The following ERCC4 variants were observed in gnomAD, a reference collection of about 807,000 sequenced individuals.
The protein encoded by ERCC4 is DNA repair endonuclease XPF.
In ERCC4, 65 loss-of-function variants were observed where a neutral mutation model predicts 76.9. The ratio of observed to expected loss-of-function variants is 0.84; its 90% CI spans 0.69 to 1.04. The LOEUF (loss-of-function observed/expected upper bound fraction) is 1.04. ERCC4 is among the 50% of genes least tolerant of loss of function. The pLI, the probability that ERCC4 is intolerant of heterozygous loss-of-function variation, is 0.00. For synonymous variants in ERCC4, 463 were observed against 410.1 expected (o/e 1.13, Z -1.56); for missense variants, 1,214 against 1,128.2 (o/e 1.08, Z -1.09).
intron 2 of ERCC4, 79 bp from the exon 3 acceptor site, chr16:13,926,482 A>C: frequency 3.4e-6 from 4 of 1,192,186 alleles, no homozygotes; most frequent in Non-Finnish European, 5.0e-6. Context: ...ATTCTCTTGT[A>C]AGTACTTAAG....
chr16:13,925,158 C>T (rs2032049040), intron 2 of ERCC4, among the ~76,000 whole-genome samples: 1 of 152,178 alleles, frequency 6.6e-6, no homozygotes, highest in Non-Finnish European at 1.5e-5. Flanking sequence ...AAATGAAAAT[C>T]TATAGAAACA....
At chr16:13,944,519 A>G (rs1193138298) in intron 9 of ERCC4, among the ~76,000 whole-genome samples, 1 of 152,136 alleles carries the variant, frequency 6.6e-6, no homozygotes, top group Non-Finnish European at 1.5e-5. Flanking sequence ...TATCCGACCA[A>G]GGCACTTTTT....
intron 4 of ERCC4, 125 bp from the exon 5 acceptor site, chr16:13,930,585 C>G (rs1429103877): frequency 2.8e-6 from 2 of 709,266 alleles, no homozygotes; most frequent in Middle Eastern, 3.9e-4. Context: ...ATATATATGA[C>G]ATAAAATTTA....
At position 13,935,727 on chromosome 16, in the gene ERCC4, C is replaced by G. The variant is rs2141608243; in HGVS notation, c.1795C>G (p.Pro599Ala). 1 of 1,612,972 alleles carries G rather than the reference C, an allele frequency of 6.2e-7. No homozygotes were observed. The highest frequency in any genetic ancestry group is 8.5e-7 in the Non-Finnish European group (1 of 1,178,938). ...RQLEIYRASR[P>A]GKPLRVYFLI... The stretch of plus-strand genomic sequence containing the variant: ...GCTTGAAATTTACAGGGCGAGTAGG[C>G]CTGGGAAACCTCTGAGGCAAGTTAT... The change falls in exon 8 of 11, where the codon CCT (proline) becomes GCT (alanine). Residue 599 changes from proline (P) to alanine (A), a missense_variant. Pro to Ala is a conservative substitution (Grantham distance 27). Transcript: ENST00000311895.
rs2141937456 is a variant in ERCC4, at chr16:13,920,357, G to A, written c.192G>A (p.Thr64=). Residue 64 remains threonine (T), a synonymous_variant, in exon 1 of 11, where the codon ACG becomes ACA. Coordinates refer to ENST00000311895, the MANE Select transcript of ERCC4 (RefSeq NM_005236.3). ...HPACLVLVLN[T]QPAEEEYFIN... is the part of the protein sequence containing the mutation. Reference sequence around the variant, plus strand: ...CCTGCCTGGTGCTGGTGCTCAACACGCAGCCGGCCGAGGAGGTGCGGCCGC... The same window carrying A: ...CCTGCCTGGTGCTGGTGCTCAACACACAGCCGGCCGAGGAGGTGCGGCCGC... The A allele has an allele frequency of 6.3e-7, 1 of 1,584,310 alleles. No individual in the cohort carries two copies. Among genetic ancestry groups the A allele is most frequent in the Non-Finnish European group, 8.5e-7 (1 of 1,172,560 alleles).
At chr16:13,940,376 A>G (rs1183478980) in intron 9 of ERCC4, among the ~76,000 whole-genome samples, 1 of 144,704 alleles carries the variant, frequency 6.9e-6, no homozygotes, top group Non-Finnish European at 1.5e-5. Flanking sequence ...CAACCGAGTG[A>G]CCCCCGTCTC....
At chr16:13,925,314 C>G (rs1292748104) in intron 2 of ERCC4, among the ~76,000 whole-genome samples, 1 of 152,126 alleles carries the variant, frequency 6.6e-6, no homozygotes, top group East Asian at 1.9e-4. Flanking sequence ...ATTCTTGACT[C>G]TACGTAATAT....
chr16:13,935,859 A>G lies in ERCC4; in HGVS notation c.1811+116A>G, dbSNP rs73523750. On this transcript the variant is annotated intron_variant, in intron 8 of 10. Transcript: ENST00000311895. Reference sequence around the variant, plus strand: ...ATCCGTTACGATGCTGCTTATGTTTATGAAACCTTATTTTGCTTCCTGATG... The same window carrying G: ...ATCCGTTACGATGCTGCTTATGTTTGTGAAACCTTATTTTGCTTCCTGATG... 1.0e-3 allele frequency: 882 copies of G among 856,128 alleles called. 12 individuals are homozygous for G. In the African/African-American group the frequency reaches 0.011, roughly 11 times the overall value. The allele number at this position is 856,128 out of a possible 1,614,324, so 53.0% of individuals were successfully genotyped here.
chr16:13,920,490 C>G, intron 1 of ERCC4, 118 bp downstream of exon 1: 1 of 923,554 alleles, frequency 1.1e-6, no homozygotes, highest in African/African-American at 1.6e-5. Flanking sequence ...GCCCCTGACA[C>G]TACGCGATGA....
chr16:13,943,785 C>T (rs886112436), intron 9 of ERCC4, among the ~76,000 whole-genome samples: 1 of 141,484 alleles, frequency 7.1e-6, no homozygotes, highest in African/African-American at 2.5e-5. Flanking sequence ...GTTGTGAACC[C>T]AAGCAGGGAA....
chr16:13,942,034 CAT>C (rs1179087994), intron 9 of ERCC4, among the ~76,000 whole-genome samples: 3 of 152,056 alleles, frequency 2.0e-5, no homozygotes, highest in Non-Finnish European at 2.9e-5. Context: ...CCATGGGCAA[CAT>C]GTGAGAATCC....
rs1242490895 is a variant in ERCC4 at position 13,926,770 on chromosome 16, T to C, written c.584+14T>C. On this transcript the variant is annotated intron_variant, in intron 3 of 10. Coordinates refer to ENST00000311895, the MANE Select transcript of ERCC4 (RefSeq NM_005236.3). ...TCTGTGGCCAAGGTAAAGAACATTA[T>C]GTGACAAATAATGATGACATTATTT... 2 of 1,587,256 alleles carry C rather than the reference T, an allele frequency of 1.3e-6. No individual in the cohort carries two copies. The highest frequency in any genetic ancestry group is 1.7e-6 in the Non-Finnish European group (2 of 1,155,766).
At chr16:13,931,554 T>G (rs1219256340) in intron 5 of ERCC4, 1 of 156,696 alleles carries the variant, frequency 6.4e-6, no homozygotes, top group Non-Finnish European at 1.4e-5. Flanking sequence ...GGCACCAGCA[T>G]GTACAATTAT....
At position 13,949,881 on chromosome 16, in the gene ERCC4, GTTTT is replaced by G; in HGVS notation, c.*1538_*1541del. The G allele has an allele frequency of 4.7e-5, 11 of 232,402 alleles. 1 individual carries two copies. Among genetic ancestry groups the G allele is most frequent in the African/African-American group, 2.2e-4 (10 of 45,418 alleles). 14.4% of individuals were successfully genotyped at this position (232,402 alleles called of 1,614,324 possible). On this transcript the variant is annotated 3_prime_UTR_variant, in exon 11 of 11. Coordinates refer to ENST00000311895, the MANE Select transcript of ERCC4 (RefSeq NM_005236.3). ...TTTTAATGTTTCATCAACATCAGCT[GTTTT>G]TTTGTTTGCTACACTATTTGAACTA...
intron 4 of ERCC4, among the ~76,000 whole-genome samples, chr16:13,930,032 AC>A (rs1344031558): frequency 6.6e-6 from 1 of 152,188 alleles, no homozygotes; most frequent in Admixed American, 6.5e-5. Context: ...TCATGAATCC[AC>A]TTTAGAAAAA....
intron 8 of ERCC4, among the ~76,000 whole-genome samples, chr16:13,937,037 T>G (rs2032313112): frequency 6.7e-6 from 1 of 150,086 alleles, no homozygotes; most frequent in Non-Finnish European, 1.5e-5. Context: ...TTCTCCCACA[T>G]CAGCCCCAAG....
At chr16:13,936,453 AG>A (rs1567248691) in intron 8 of ERCC4, among the ~76,000 whole-genome samples, 1 of 152,224 alleles carries the variant, frequency 6.6e-6, no homozygotes. Flanking sequence ...CAGGATGAAG[AG>A]ATTAGATGAG....
chr16:13,930,766 CT>C lies in ERCC4; in HGVS notation c.851del (p.Leu284Ter). The C allele has an allele frequency of 6.2e-7, 1 of 1,613,372 alleles. No homozygotes were observed. The highest frequency in any genetic ancestry group is 8.5e-7 in the Non-Finnish European group (1 of 1,179,382). On this transcript the variant is annotated frameshift_variant, in exon 5 of 11. Transcript: ENST00000311895. LOFTEE classifies it high-confidence loss of function. The stretch of plus-strand genomic sequence containing the variant: ...ACCAGCTTGGAGCCAAGACTAAATC[CT>C]TAGTTCAGGATTTGAAGATATTACG... ...WHQLGAKTKSLVQDLKILRTL... is the reference protein window; with the variant it reads ...WHQLGAKTKSXVQDLKILRTL...
At position 13,948,001 on chromosome 16, in the gene ERCC4, G is replaced by A; in HGVS notation, c.2405G>A (p.Trp802Ter). 1 of 1,614,082 alleles carries A rather than the reference G, an allele frequency of 6.2e-7. No individual in the cohort carries two copies. Among genetic ancestry groups the A allele is most frequent in the Non-Finnish European group, 8.5e-7 (1 of 1,180,014 alleles). Residue 802 changes from tryptophan (W) to a stop codon, truncating the protein, a stop_gained, in exon 11 of 11, where the codon TGG becomes TAG. Transcript: ENST00000311895. LOFTEE classifies it low-confidence loss of function (END_TRUNC). ...CACTTCCCCAGACTACGGATTCTCT[G>A]GTGCCCCTCTCCTCATGCAACGGCG... ...TLHFPRLRIL[W>*]CPSPHATAEL...
Sources: gnomAD v4.1 joint callset for allele counts (sites outside exome capture counted in the v4.1 genomes callset) on GRCh38, gnomAD v4.1.1 for gene constraint, MANE v1.5 for transcripts, NCBI Gene and HGNC (gene_info 2026-07-23, HGNC 2026-07-21) for gene names.